Variants in RGS17 observed in about 807,000 individuals in gnomAD.
The protein encoded by RGS17 is regulator of G-protein signaling 17.
A neutral mutation model predicts 25.5 loss-of-function variants in RGS17; 12 were observed. That is an observed-to-expected ratio of 0.47 (90% CI 0.30 to 0.76). The LOEUF is 0.76. RGS17 is among the 30% of genes least tolerant of loss of function. RGS17 has a pLI of 0.07. For synonymous variants in RGS17, 71 were observed against 76.9 expected (o/e 0.92, Z 0.40); for missense variants, 196 against 242.2 (o/e 0.81, Z 1.27).
intron 1 of RGS17, among the ~76,000 whole-genome samples, chr6:153,095,261 G>A (rs1024407613): frequency 5.9e-5 from 9 of 152,032 alleles, no homozygotes; most frequent in African/African-American, 2.2e-4. Context: ...AATATTCTTG[G>A]ATATTGAAGA....
chr6:153,114,092 G>A (rs1019010385), intron 1 of RGS17, among the ~76,000 whole-genome samples: 2 of 152,124 alleles, frequency 1.3e-5, no homozygotes, highest in Admixed American at 1.3e-4. Flanking sequence ...GAGCAAAACT[G>A]AAGGAGACAG....
intron 4 of RGS17, among the ~76,000 whole-genome samples, chr6:153,023,167 A>C (rs1451982168): frequency 6.6e-6 from 1 of 152,204 alleles, no homozygotes; most frequent in African/African-American, 2.4e-5. Flanking sequence ...GAGGTTAATA[A>C]AATAGACACT....
At chr6:153,059,762 A>C (rs117236184) in intron 1 of RGS17, among the ~76,000 whole-genome samples, 14 of 152,372 alleles carry the variant, frequency 9.2e-5, no homozygotes, top group Non-Finnish European at 1.6e-4. Flanking sequence ...TACAATAAAA[A>C]GCTGATGATA....
intron 1 of RGS17, 27 bp from the exon 2 acceptor site, chr6:153,044,070 G>A: frequency 8.6e-7 from 1 of 1,157,004 alleles, no homozygotes. Flanking sequence ...AAAAAATTGG[G>A]TATGAAAAAA....
chr6:153,108,828 G>C (rs9479512), intron 1 of RGS17, among the ~76,000 whole-genome samples: 1 of 151,344 alleles, frequency 6.6e-6, no homozygotes, highest in African/African-American at 2.4e-5. Flanking sequence ...TTTGCGTGTA[G>C]ACAGACAGAT....
chr6:153,059,115 A>G (rs1776602118), intron 1 of RGS17, among the ~76,000 whole-genome samples: 1 of 152,108 alleles, frequency 6.6e-6, no homozygotes, highest in South Asian at 2.1e-4. Context: ...CTTGATGGTG[A>G]GTCAGCAATT....
At chr6:153,084,064 T>C (rs7453812) in intron 1 of RGS17, among the ~76,000 whole-genome samples, 1 of 152,190 alleles carries the variant, frequency 6.6e-6, no homozygotes, top group African/African-American at 2.4e-5. Flanking sequence ...TGAATGACTA[T>C]TTCCTTTATT....
chr6:153,105,355 T>C (rs1205011270), intron 1 of RGS17, among the ~76,000 whole-genome samples: 2 of 152,110 alleles, frequency 1.3e-5, no homozygotes, highest in Non-Finnish European at 2.9e-5. Context: ...TAAATATTTA[T>C]TAAGGACCTA....
At chr6:153,064,162 T>G (rs1357767948) in intron 1 of RGS17, among the ~76,000 whole-genome samples, 1 of 152,090 alleles carries the variant, frequency 6.6e-6, no homozygotes, top group Non-Finnish European at 1.5e-5. Context: ...GGTACAAAAC[T>G]CACTGAAAGT....
intron 1 of RGS17, among the ~76,000 whole-genome samples, chr6:153,106,140 G>A (rs1777380881): frequency 6.6e-6 from 1 of 152,048 alleles, no homozygotes; most frequent in South Asian, 2.1e-4. Flanking sequence ...GACTCCTGGG[G>A]ACTGTGTAGA....
In RGS17 at chr6:153,008,134, T is replaced by C. The variant is rs1334682472; in HGVS notation, c.*3440A>G. 1 of 152,188 alleles carries C rather than the reference T, an allele frequency of 6.6e-6. No individual in the cohort carries two copies. The highest frequency in any genetic ancestry group is 1.5e-5 in the Non-Finnish European group (1 of 68,024). The allele number at this position is 152,188 out of a possible 1,614,324, so 9.4% of individuals were successfully genotyped here. ...ATTAGCTTAATGGGATGAAAATGTA[T>C]TTTTGCTCCTAATAAATAAATATTA... On this transcript the variant is annotated 3_prime_UTR_variant, in exon 5 of 5. Coordinates refer to ENST00000206262, the MANE Select transcript of RGS17 (RefSeq NM_012419.5).
chr6:153,050,511 G>T (rs1007412574), intron 1 of RGS17, among the ~76,000 whole-genome samples: 5 of 152,056 alleles, frequency 3.3e-5, no homozygotes, highest in African/African-American at 1.2e-4. Context: ...ATTAATCAGA[G>T]AAATGTGGAT....
In RGS17 at chr6:153,006,446, A is replaced by G. The variant is rs565987380; in HGVS notation, c.*5128T>C. The G allele has an allele frequency of 5.9e-5, 9 of 152,258 alleles. No homozygotes were observed. The East Asian group carries it at 7.9e-4, about 13-fold the overall frequency. The allele number at this position is 152,258 out of a possible 1,614,324, so 9.4% of individuals were successfully genotyped here. On this transcript the variant is annotated 3_prime_UTR_variant, in exon 5 of 5. Transcript: ENST00000206262. ...TCTATCATCTATCTATCAATCATCT[A>G]TCTATCTATGTCATTGAAAGAAACA...
At chr6:153,082,559 C>G (rs761309916) in intron 1 of RGS17, among the ~76,000 whole-genome samples, 5 of 151,858 alleles carry the variant, frequency 3.3e-5, no homozygotes, top group African/African-American at 4.8e-5. Flanking sequence ...TTATATCTGC[C>G]ATTTTCCTTC....
Position 153,130,187 on chromosome 6 carries a change from G to A in RGS17, c.-26+937C>T. 6.6e-6 allele frequency among the ~76,000 whole-genome samples: 1 copy of A among 152,182 alleles called. No individual in the cohort carries two copies. The highest frequency in any genetic ancestry group is 1.9e-4 in the East Asian group (1 of 5,186). ...AGAGAGAAGAGGAGAAAGCGGCCGT[G>A]TCTGCACCCAGCCTCTGCCGCAGCA... On this transcript the variant is annotated intron_variant, in intron 1 of 4. Transcript: ENST00000206262. The surrounding 1 kb of genome is among the most constrained non-coding windows in gnomAD (Gnocchi z 6.4).
chr6:153,055,826 G>C (rs957717640), intron 1 of RGS17, among the ~76,000 whole-genome samples: 5 of 152,138 alleles, frequency 3.3e-5, no homozygotes, highest in African/African-American at 1.2e-4. Context: ...GGGAAATTCT[G>C]CTCTAACTTC....
chr6:153,028,035 C>A (rs532337415), intron 2 of RGS17, among the ~76,000 whole-genome samples: 3 of 152,062 alleles, frequency 2.0e-5, no homozygotes, highest in Non-Finnish European at 4.4e-5. Flanking sequence ...GACAAGCGGG[C>A]CCATCTACAA....
chr6:153,116,131 A>G (rs1285791495), intron 1 of RGS17, among the ~76,000 whole-genome samples: 1 of 152,206 alleles, frequency 6.6e-6, no homozygotes, highest in Non-Finnish European at 1.5e-5. Context: ...CAGAGTGAAC[A>G]GGCAACCTAC....
chr6:153,054,092 T>TTATA (rs1199437911), intron 1 of RGS17, among the ~76,000 whole-genome samples: 4,546 of 42,078 alleles, frequency 0.11, 775 homozygotes, highest in Non-Finnish European at 0.14. Flanking sequence ...ACAATATTTT[T>TTATA]TATATATATA....
Sources: gnomAD v4.1 joint callset for allele counts (sites outside exome capture counted in the v4.1 genomes callset) on GRCh38, gnomAD v4.1.1 for gene constraint, Gnocchi (gnomAD v3.1) non-coding constraint, MANE v1.5 for transcripts, NCBI Gene and HGNC (gene_info 2026-07-23, HGNC 2026-07-21) for gene names.